CCDC85A: variants seen among roughly 807,000 people sequenced by gnomAD.
CCDC85A encodes the protein coiled-coil domain containing 85A.
In CCDC85A, 38 loss-of-function variants were observed where a neutral mutation model predicts 50.2. The ratio of observed to expected loss-of-function variants is 0.76; its 90% CI spans 0.58 to 0.99. The LOEUF is 0.99. CCDC85A is among the 50% of genes least tolerant of loss of function. The probability of loss-of-function intolerance (pLI) is 0.00; values close to 1 mark genes in which losing one functional copy is unlikely to be tolerated. For missense variants in CCDC85A, 820 were observed against 742.0 expected (o/e 1.11, Z -1.22); for synonymous variants, 366 against 301.4 (o/e 1.21, Z -2.22).
rs1243441011 is a variant in CCDC85A, at chr2:56,192,546, C to T, written c.346C>T (p.Arg116Trp). The T allele has an allele frequency of 1.4e-5, 22 of 1,613,668 alleles. No individual in the cohort carries two copies. Among genetic ancestry groups the T allele is most frequent in the South Asian group, 3.3e-5 (3 of 91,030 alleles). Reference sequence around the variant, plus strand: ...CCTCTGCTGTTTCCTGGATGATGACCGGCAGAAAGGCAAGAGGGTGTCTCG... The same window carrying T: ...CCTCTGCTGTTTCCTGGATGATGACTGGCAGAAAGGCAAGAGGGTGTCTCG... Reference protein sequence around the residue: ...RDLCCFLDDDRQKGKRVSREW... With the variant: ...RDLCCFLDDDWQKGKRVSREW... The change falls in exon 2 of 6, where the codon CGG (arginine) becomes TGG (tryptophan). Residue 116 changes from arginine to tryptophan, a missense_variant. Physicochemically the swap from Arg to Trp is moderately radical, Grantham distance 101 (BLOSUM62 -3). Coordinates refer to ENST00000407595, the MANE Select transcript of CCDC85A (RefSeq NM_001080433.2). The surrounding 1 kb of genome is among the most constrained non-coding windows in gnomAD (Gnocchi z 4.7).
intron 2 of CCDC85A, among the ~76,000 whole-genome samples, chr2:56,339,794 G>A (rs1674266447): frequency 6.6e-6 from 1 of 151,990 alleles, no homozygotes; most frequent in Non-Finnish European, 1.5e-5. Context: ...GTGTAAATCA[G>A]GCAATCTACA....
chr2:56,245,574 C>T (rs1669464620), intron 2 of CCDC85A, among the ~76,000 whole-genome samples: 1 of 152,202 alleles, frequency 6.6e-6, no homozygotes, highest in Admixed American at 6.5e-5. Context: ...ATAGTTGTCA[C>T]ATTTGGTGTT....
At chr2:56,251,623 T>C (rs1275844806) in intron 2 of CCDC85A, among the ~76,000 whole-genome samples, 1 of 152,146 alleles carries the variant, frequency 6.6e-6, no homozygotes, top group African/African-American at 2.4e-5. Context: ...GCTGTCTCAG[T>C]GGCAGCTCCT....
chr2:56,355,070 C>G (rs747578565), intron 3 of CCDC85A, among the ~76,000 whole-genome samples: 12 of 152,194 alleles, frequency 7.9e-5, no homozygotes, highest in Non-Finnish European at 1.6e-4. Context: ...TGTCTTAAGT[C>G]TAGTCCTGTG....
intron 2 of CCDC85A, among the ~76,000 whole-genome samples, chr2:56,214,736 T>C (rs1008466203): frequency 9.2e-5 from 14 of 151,952 alleles, no homozygotes; most frequent in African/African-American, 3.4e-4. Context: ...CACTGACATA[T>C]GTGTTTGTTC....
chr2:56,320,887 C>T (rs1405391200), intron 2 of CCDC85A, among the ~76,000 whole-genome samples: 1 of 152,036 alleles, frequency 6.6e-6, no homozygotes, highest in Non-Finnish European at 1.5e-5. Flanking sequence ...TGCAAAAATC[C>T]TCAATAAAAT....
At chr2:56,298,398 C>G (rs370798406) in intron 2 of CCDC85A, among the ~76,000 whole-genome samples, 11 of 152,242 alleles carry the variant, frequency 7.2e-5, no homozygotes, top group African/African-American at 2.6e-4. Flanking sequence ...TCATTTCAAT[C>G]AAATTATAGG....
At chr2:56,373,257 G>A (rs1330048399) in intron 4 of CCDC85A, among the ~76,000 whole-genome samples, 2 of 151,914 alleles carry the variant, frequency 1.3e-5, no homozygotes, top group Non-Finnish European at 2.9e-5. Flanking sequence ...TGTAGTCCAT[G>A]GCTCCCAAAG....
rs186019806 is a variant in CCDC85A, at chr2:56,340,642, G to A, written c.1241-2237G>A. ...TGTAATCCCAGCACTTTGGGAGGCC[G>A]AGGCGGGAGGATCTTTTGAGGTCGG... is the stretch of plus-strand genomic sequence containing the variant. On this transcript the variant is annotated intron_variant, in intron 2 of 5. Coordinates refer to ENST00000407595, the MANE Select transcript of CCDC85A (RefSeq NM_001080433.2). Among the ~76,000 whole-genome samples, 308 of 152,152 alleles carry A rather than the reference G, an allele frequency of 2.0e-3. 2 individuals are homozygous for A. Among genetic ancestry groups the A allele is most frequent in the African/African-American group, 6.7e-3 (278 of 41,508 alleles).
intron 2 of CCDC85A, among the ~76,000 whole-genome samples, chr2:56,331,956 G>A (rs1312158818): frequency 6.6e-6 from 1 of 152,154 alleles, no homozygotes; most frequent in African/African-American, 2.4e-5. Flanking sequence ...CGCCCCCCAG[G>A]CTGCTCTCTG....
intron 2 of CCDC85A, among the ~76,000 whole-genome samples, chr2:56,240,750 G>A (rs368626677): frequency 1.4e-4 from 21 of 152,216 alleles, no homozygotes; most frequent in African/African-American, 5.1e-4. Context: ...TAAATAATAG[G>A]CCAATGCATG....
At chr2:56,257,933 A>G (rs1366975117) in intron 2 of CCDC85A, among the ~76,000 whole-genome samples, 1 of 152,202 alleles carries the variant, frequency 6.6e-6, no homozygotes, top group Non-Finnish European at 1.5e-5. Flanking sequence ...TGTTGACATC[A>G]TTTTCACCAA....
chr2:56,276,556 G>C (rs947719651), intron 2 of CCDC85A, among the ~76,000 whole-genome samples: 1 of 152,046 alleles, frequency 6.6e-6, no homozygotes, highest in Admixed American at 6.6e-5. Flanking sequence ...AACCCATTTA[G>C]CTTGGCTCTC....
intron 1 of CCDC85A, among the ~76,000 whole-genome samples, chr2:56,186,780 G>A (rs72914767): frequency 1.3e-5 from 2 of 152,188 alleles, no homozygotes; most frequent in South Asian, 4.1e-4. Context: ...TTGGTAGAGT[G>A]CCTGGGCTTC....
chr2:56,213,758 G>T (rs928103141), intron 2 of CCDC85A, among the ~76,000 whole-genome samples: 4 of 151,932 alleles, frequency 2.6e-5, no homozygotes, highest in Admixed American at 2.0e-4. Flanking sequence ...AAAATTTGCT[G>T]TTTAAGTGAT....
chr2:56,225,501 C>T (rs1234859873), intron 2 of CCDC85A, among the ~76,000 whole-genome samples: 1 of 152,130 alleles, frequency 6.6e-6, no homozygotes, highest in African/African-American at 2.4e-5. Context: ...CTATATGCCT[C>T]TCCTTATGCC....
intron 2 of CCDC85A, among the ~76,000 whole-genome samples, chr2:56,317,658 G>T (rs1285908938): frequency 6.6e-6 from 1 of 152,098 alleles, no homozygotes; most frequent in Non-Finnish European, 1.5e-5. Flanking sequence ...CTCCCCTGCA[G>T]ATTATTTTGA....
At chr2:56,354,019 A>G (rs1197583908) in intron 3 of CCDC85A, among the ~76,000 whole-genome samples, 1 of 152,178 alleles carries the variant, frequency 6.6e-6, no homozygotes, top group Non-Finnish European at 1.5e-5. Flanking sequence ...AAAATATCAC[A>G]CTTGAACATA....
In CCDC85A at chr2:56,226,165, CT is replaced by C. The variant is rs59549467; in HGVS notation, c.1240+32727del. On this transcript the variant is annotated intron_variant, in intron 2 of 5. Coordinates refer to ENST00000407595, the MANE Select transcript of CCDC85A (RefSeq NM_001080433.2). Reference sequence around the variant, plus strand: ...ACTCCAAGCTTTGTAGTCAAATGGACTTGAGTTAAAATTCCTAGCCAGCCAT... The same window carrying C: ...ACTCCAAGCTTTGTAGTCAAATGGACTGAGTTAAAATTCCTAGCCAGCCAT... Among the ~76,000 whole-genome samples, 235 of 152,274 alleles carry C rather than the reference CT, an allele frequency of 1.5e-3. 1 individual carries two copies. Among genetic ancestry groups the C allele is most frequent in the African/African-American group, 5.4e-3 (224 of 41,566 alleles).
Sources: gnomAD v4.1 joint callset for allele counts (sites outside exome capture counted in the v4.1 genomes callset) on GRCh38, gnomAD v4.1.1 for gene constraint, Gnocchi (gnomAD v3.1) non-coding constraint, MANE v1.5 for transcripts, NCBI Gene and HGNC (gene_info 2026-07-23, HGNC 2026-07-21) for gene names.